SYNPR: variants seen among roughly 807,000 people sequenced by gnomAD.
SYNPR encodes synaptoporin.
A neutral mutation model predicts 32.9 loss-of-function variants in SYNPR; 23 were observed. The observed-to-expected ratio is 0.70, with a 90% CI of 0.50 to 0.99. The LOEUF (loss-of-function observed/expected upper bound fraction) is 0.99, where lower values mean the gene tolerates loss of function less well. Ranked by LOEUF, SYNPR falls within the 50% of genes least tolerant of loss-of-function variation. SYNPR has a pLI of 0.00. For synonymous variants in SYNPR, 146 were observed against 135.9 expected, an observed-to-expected ratio of 1.07 and a Z score of -0.52; for missense variants, 318 against 349.3, an observed-to-expected ratio of 0.91 and a Z score of 0.71.
At position 63,283,810 on chromosome 3, in the gene SYNPR, C is replaced by CTTTTTTTT. The variant is rs142282438; in HGVS notation, c.84+5086_84+5093dup. On this transcript the variant is annotated intron_variant, in intron 2 of 5. Transcript: ENST00000478300. ...GTATAGTCCTTCCACAGATAATTAC[C>CTTTTTTTT]TTTTTTTTTTTTTTTTTTTTTTTTT... 1.0e-4 allele frequency among the ~76,000 whole-genome samples: 9 copies of CTTTTTTTT among 87,156 alleles called. 1 individual carries two copies. The highest frequency in any genetic ancestry group is 2.9e-4 in the African/African-American group (6 of 20,538). The allele number at this position is 87,156 out of a possible 152,430, so 57.2% of individuals were successfully genotyped here.
Position 63,616,111 on chromosome 3 carries a change from A to G in SYNPR, c.*630A>G, listed in dbSNP as rs1489792694. On this transcript the variant is annotated 3_prime_UTR_variant, in exon 6 of 6. Transcript: ENST00000478300. The stretch of plus-strand genomic sequence containing the variant: ...GTCAAATGGATATTTATAGGAATAT[A>G]TTCACTACTTTGTATACTTTGCAAA... 2.0e-5 allele frequency: 3 copies of G among 152,246 alleles called. No individual in the cohort carries two copies. Among genetic ancestry groups the G allele is most frequent in the African/African-American group, 7.2e-5 (3 of 41,456 alleles). 9.4% of individuals were successfully genotyped at this position (152,246 alleles called of 1,614,324 possible). A position where few individuals can be genotyped will look rare whatever the true frequency, so the allele number is the denominator to read the frequency against.
chr3:63,383,200 T>G (rs2087994649), intron 2 of SYNPR, among the ~76,000 whole-genome samples: 1 of 152,206 alleles, frequency 6.6e-6, no homozygotes, highest in Admixed American at 6.5e-5. Flanking sequence ...TCAGCCATAA[T>G]AAAAGAGCAC....
intron 2 of SYNPR, among the ~76,000 whole-genome samples, chr3:63,332,727 G>A (rs894095487): frequency 6.6e-6 from 1 of 152,198 alleles, no homozygotes; most frequent in African/African-American, 2.4e-5. Context: ...GCCCAGAGTG[G>A]TTTAGTGACT....
chr3:63,346,913 T>C (rs536829248), intron 2 of SYNPR, among the ~76,000 whole-genome samples: 1 of 152,354 alleles, frequency 6.6e-6, no homozygotes, highest in African/African-American at 2.4e-5. Context: ...TGACAGATAT[T>C]CTATGGATAT....
At chr3:63,610,453 G>C (rs1164757108) in intron 5 of SYNPR, 1 of 693,440 alleles carries the variant, frequency 1.4e-6, no homozygotes, top group African/African-American at 1.8e-5. Context: ...TTTGCTTCAA[G>C]ATTAACCTGT....
At chr3:63,410,513 G>A (rs1235149448) in intron 2 of SYNPR, among the ~76,000 whole-genome samples, 3 of 152,176 alleles carry the variant, frequency 2.0e-5, no homozygotes, top group Non-Finnish European at 4.4e-5. Context: ...ATTACCAAAA[G>A]GAAGATGAGC....
At chr3:63,389,273 T>TA (rs11375381) in intron 2 of SYNPR, among the ~76,000 whole-genome samples, 16,843 of 152,018 alleles carry the variant, frequency 0.11, 1,125 homozygotes, top group African/African-American at 0.18. Flanking sequence ...ACCTTAAGCA[T>TA]AAAAAATACC....
chr3:63,233,110 G>A (rs2086177929), intron 1 of SYNPR, among the ~76,000 whole-genome samples: 1 of 152,116 alleles, frequency 6.6e-6, no homozygotes. Context: ...AAGACTTTGG[G>A]CCTTGGAACT....
At chr3:63,306,930 C>T (rs2086915537) in intron 2 of SYNPR, among the ~76,000 whole-genome samples, 2 of 151,754 alleles carry the variant, frequency 1.3e-5, no homozygotes, top group African/African-American at 4.8e-5. Flanking sequence ...TTTACATTCT[C>T]CTTGGTAAAG....
At chr3:63,235,584 T>C (rs1430380270) in intron 1 of SYNPR, among the ~76,000 whole-genome samples, 2 of 152,210 alleles carry the variant, frequency 1.3e-5, no homozygotes, top group Non-Finnish European at 2.9e-5. Flanking sequence ...TTTAACCACT[T>C]AGTTGCAAGG....
At chr3:63,225,608 T>C (rs1222884115), upstream of SYNPR, among the ~76,000 whole-genome samples, 1 of 152,026 alleles carries the variant, frequency 6.6e-6, no homozygotes, top group Admixed American at 6.6e-5. Flanking sequence ...AGAAGTAGGA[T>C]TGTAAACTGG....
intron 5 of SYNPR, among the ~76,000 whole-genome samples, chr3:63,614,563 G>A (rs1051445124): frequency 2.0e-5 from 3 of 152,174 alleles, no homozygotes. Context: ...CCCTGTGAGA[G>A]GCACAGAAAG....
intron 2 of SYNPR, among the ~76,000 whole-genome samples, chr3:63,283,796 C>T (rs1291213239): frequency 6.7e-6 from 1 of 150,316 alleles, no homozygotes; most frequent in Non-Finnish European, 1.5e-5. Flanking sequence ...TATAGTCCTT[C>T]CACAGATAAT....
chr3:63,296,240 A>G (rs989950476), intron 2 of SYNPR, among the ~76,000 whole-genome samples: 3 of 152,200 alleles, frequency 2.0e-5, no homozygotes, highest in Non-Finnish European at 2.9e-5. Context: ...GAAAAAAGAA[A>G]CAAGGATTTT....
chr3:63,496,254 G>A (rs1701370861), intron 3 of SYNPR, among the ~76,000 whole-genome samples: 2 of 151,664 alleles, frequency 1.3e-5, no homozygotes, highest in African/African-American at 4.8e-5. Context: ...TTCTTTTTAT[G>A]CATTCATTTT....
intron 4 of SYNPR, among the ~76,000 whole-genome samples, chr3:63,595,727 A>AGTTT (rs1211591744): frequency 2.2e-4 from 4 of 18,488 alleles, no homozygotes; most frequent in African/African-American, 1.6e-3. Flanking sequence ...TTATATATAT[A>AGTTT]TATATATATA....
chr3:63,477,127 G>C (rs547829668), intron 2 of SYNPR, among the ~76,000 whole-genome samples: 1 of 152,124 alleles, frequency 6.6e-6, no homozygotes, highest in African/African-American at 2.4e-5. Flanking sequence ...ATGGTTGGGC[G>C]AGTAACTGGG....
chr3:63,371,297 T>A (rs895851242), intron 2 of SYNPR, among the ~76,000 whole-genome samples: 1 of 151,392 alleles, frequency 6.6e-6, no homozygotes, highest in Non-Finnish European at 1.5e-5. Context: ...GAGAAGTCAC[T>A]CATGCACACA....
At chr3:63,408,380 G>GAAAGAAAGAAAGAAAGA (rs1560221346) in intron 2 of SYNPR, among the ~76,000 whole-genome samples, 5 of 148,392 alleles carry the variant, frequency 3.4e-5, no homozygotes, top group African/African-American at 1.3e-4. Context: ...AAGAAAGAAA[G>GAAAGAAAGAAAGAAAGA]AAAAGGAAGG....
Sources: gnomAD v4.1 joint callset for allele counts (sites outside exome capture counted in the v4.1 genomes callset) on GRCh38, gnomAD v4.1.1 for gene constraint, MANE v1.5 for transcripts, NCBI Gene and HGNC (gene_info 2026-07-23, HGNC 2026-07-21) for gene names.